The following TBC1D2B variants were observed in gnomAD, a reference collection of about 807,000 sequenced individuals.
TBC1D2B encodes the protein TBC1 domain family member 2B.
A neutral mutation model predicts 100.8 loss-of-function variants in TBC1D2B; 64 were observed. That is an observed-to-expected ratio of 0.64 (90% CI 0.52 to 0.78). TBC1D2B has a LOEUF of 0.78. TBC1D2B is among the 30% of genes least tolerant of loss of function. TBC1D2B has a pLI of 0.00. For synonymous variants in TBC1D2B, 480 were observed against 479.7 expected (o/e 1.00, Z -0.01); for missense variants, 1,052 against 1,218.4 (o/e 0.86, Z 2.03).
chr15:78,059,152 T>C (rs1166321780), intron 1 of TBC1D2B, among the ~76,000 whole-genome samples: 1 of 152,240 alleles, frequency 6.6e-6, no homozygotes, highest in African/African-American at 2.4e-5. Context: ...ATTCTCTGAA[T>C]AGGGAGCTCA....
At position 77,995,511 on chromosome 15, in the gene TBC1D2B, A is replaced by C. The variant is rs1283021951; in HGVS notation, c.*2649T>G. 2.0e-5 allele frequency: 3 copies of C among 152,230 alleles called. No individual in the cohort carries two copies. The highest frequency in any genetic ancestry group is 2.9e-5 in the Non-Finnish European group (2 of 68,012). The allele number at this position is 152,230 out of a possible 1,614,324, so 9.4% of individuals were successfully genotyped here. A position where few individuals can be genotyped will look rare whatever the true frequency, so the allele number is the denominator to read the frequency against. On this transcript the variant is annotated 3_prime_UTR_variant, in exon 13 of 13. Transcript: ENST00000300584. ...AAGCAACTCGGAGGCTGAGGCTGGCACAGATACACACAAGGGAGTCACACA... is the reference window on the plus strand; with the variant it reads ...AAGCAACTCGGAGGCTGAGGCTGGCCCAGATACACACAAGGGAGTCACACA...
At position 78,037,988 on chromosome 15, in the gene TBC1D2B, G is replaced by A. The variant is rs186397841; in HGVS notation, c.683+6912C>T. Among the ~76,000 whole-genome samples the A allele has an allele frequency of 2.6e-5, 4 of 152,288 alleles. No homozygotes were observed. In the East Asian group the frequency reaches 7.7e-4, roughly 29 times the overall value. ...AAGAAAAGTGCTGAGAGGAACTGTCGTCCTGCTAGGGAAGGGAGTGTGGCA... is the reference window on the plus strand; with the variant it reads ...AAGAAAAGTGCTGAGAGGAACTGTCATCCTGCTAGGGAAGGGAGTGTGGCA... On this transcript the variant is annotated intron_variant, in intron 3 of 12. Coordinates refer to ENST00000300584, the MANE Select transcript of TBC1D2B (RefSeq NM_144572.2).
In TBC1D2B at chr15:77,998,068, A is replaced by C. The variant is rs756315118; in HGVS notation, c.*92T>G. ...CATCTGCCCAGCAGATCCCCAGAGG[A>C]CACACACGTTACATTCTGGCTTTTA... On this transcript the variant is annotated 3_prime_UTR_variant, in exon 13 of 13. Transcript: ENST00000300584. The C allele has an allele frequency of 9.6e-5, 120 of 1,254,672 alleles. No individual in the cohort carries two copies. Among genetic ancestry groups the C allele is most frequent in the African/African-American group, 1.8e-4 (12 of 65,550 alleles). 77.7% of individuals were successfully genotyped at this position (1,254,672 alleles called of 1,614,324 possible). A position where few individuals can be genotyped will look rare whatever the true frequency, so the allele number is the denominator to read the frequency against.
intron 1 of TBC1D2B, among the ~76,000 whole-genome samples, chr15:78,059,565 G>A (rs533489549): frequency 2.6e-5 from 4 of 152,184 alleles, no homozygotes; most frequent in South Asian, 2.1e-4. Flanking sequence ...GCACCAGCTC[G>A]GAGAATAAAA....
chr15:77,998,706 G>A (rs1441154293), intron 12 of TBC1D2B: 1 of 206,046 alleles, frequency 4.9e-6, no homozygotes, highest in Non-Finnish European at 9.8e-6. Context: ...CATAAGCCCT[G>A]AGAAGAGCTC....
At position 77,998,237 on chromosome 15, in the gene TBC1D2B, G is replaced by T. The variant is rs769899951; in HGVS notation, c.2815C>A (p.Arg939Ser). Reference protein sequence around the residue: ...RLELTELEAIREDFLRERDTS... With the variant: ...RLELTELEAISEDFLRERDTS... ...TCCCGCTCACGCAGGAAGTCCTCAC[G>T]GATGGCCTCCAGCTCGGTCAGCTCC... Residue 939 changes from arginine (R) to serine (S), a missense_variant, in exon 13 of 13, where the codon CGT becomes AGT. Physicochemically the swap from Arg to Ser is moderately radical, Grantham distance 110. Around this residue, in one of 4 missense-constraint regions of TBC1D2B, gnomAD observed 47 missense variants for 88.3 expected, o/e 0.53. Coordinates refer to ENST00000300584, the MANE Select transcript of TBC1D2B (RefSeq NM_144572.2). The T allele has an allele frequency of 6.3e-7, 1 of 1,589,574 alleles. No individual in the cohort carries two copies. Among genetic ancestry groups the T allele is most frequent in the Non-Finnish European group, 8.6e-7 (1 of 1,169,024 alleles).
intron 3 of TBC1D2B, among the ~76,000 whole-genome samples, chr15:78,044,014 G>A: frequency 7.7e-6 from 1 of 129,362 alleles, no homozygotes; most frequent in South Asian, 2.6e-4. Context: ...AACAGAACAA[G>A]ACCTTATCTT....
chr15:78,034,027 A>G (rs16969423), intron 3 of TBC1D2B, among the ~76,000 whole-genome samples: 7,781 of 152,290 alleles, frequency 0.051, 396 homozygotes, highest in African/African-American at 0.12. Context: ...TCACTTTCTC[A>G]TAGTTTATTT....
intron 1 of TBC1D2B, among the ~76,000 whole-genome samples, chr15:78,071,509 C>T (rs1441588177): frequency 6.6e-6 from 1 of 152,100 alleles, no homozygotes; most frequent in Non-Finnish European, 1.5e-5. Flanking sequence ...GAGTCCTGAC[C>T]ATGGGCATGA....
rs77345637 is a variant in TBC1D2B at position 78,032,255 on chromosome 15, G to A, written c.684-2085C>T. ...AGTGGAAAACCTCATAATTCACAGG[G>A]CATCAGAAAGATTACTGAGAAAGGC... On this transcript the variant is annotated intron_variant, in intron 3 of 12. Coordinates refer to ENST00000300584, the MANE Select transcript of TBC1D2B (RefSeq NM_144572.2). Among the ~76,000 whole-genome samples the A allele has an allele frequency of 9.8e-3, 1,498 of 152,264 alleles. 12 individuals carry two copies. The highest frequency in any genetic ancestry group is 0.015 in the Non-Finnish European group (1,009 of 68,016).
chr15:78,058,438 A>C (rs1441783093), intron 1 of TBC1D2B, among the ~76,000 whole-genome samples: 2 of 152,208 alleles, frequency 1.3e-5, no homozygotes, highest in Admixed American at 6.5e-5. Flanking sequence ...TTAATGTCCA[A>C]GGAGAGGCCA....
chr15:78,054,070 C>A lies in TBC1D2B; in HGVS notation c.478G>T (p.Asp160Tyr), dbSNP rs765533230. 17 of 1,613,486 alleles carry A rather than the reference C, an allele frequency of 1.1e-5. No individual in the cohort carries two copies. Among genetic ancestry groups the A allele is most frequent in the Non-Finnish European group, 1.4e-5 (16 of 1,179,662 alleles). The change falls in exon 2 of 13, where the codon GAT becomes TAT. Residue 160 changes from aspartate to tyrosine, a missense_variant. By Grantham distance (160) the Asp-to-Tyr change is radical (BLOSUM62 -3). This residue lies in a region of TBC1D2B where 627 missense variants were observed against 646.1 expected (regional missense o/e 0.97). Coordinates refer to ENST00000300584, the MANE Select transcript of TBC1D2B (RefSeq NM_144572.2). ...WDSRTSPTPG[D>Y]FPKGLVARDN... is the part of the protein sequence containing the mutation. ...CTGGCTACAAGACCCTTAGGAAAATCCCCGGGAGTTGGAGAGGTCCTGCTG... is the reference window on the plus strand; with the variant it reads ...CTGGCTACAAGACCCTTAGGAAAATACCCGGGAGTTGGAGAGGTCCTGCTG...
chr15:78,006,656 T>C (rs1270947166), intron 10 of TBC1D2B, among the ~76,000 whole-genome samples: 1 of 152,216 alleles, frequency 6.6e-6, no homozygotes, highest in African/African-American at 2.4e-5. Flanking sequence ...CCCTCATCGG[T>C]GGCACCTCAG....
At chr15:78,068,383 C>CCACACACACACACACACA (rs35403620) in intron 1 of TBC1D2B, among the ~76,000 whole-genome samples, 34 of 143,110 alleles carry the variant, frequency 2.4e-4, no homozygotes, top group African/African-American at 5.0e-4. Context: ...CACACCACAC[C>CCACACACACACACACACA]CACACACACA....
At position 78,026,858 on chromosome 15, in the gene TBC1D2B, G is replaced by A. The variant is rs150122832; in HGVS notation, c.848-1361C>T. Among the ~76,000 whole-genome samples the A allele has an allele frequency of 9.8e-3, 1,467 of 149,568 alleles. 10 individuals carry two copies. Among genetic ancestry groups the A allele is most frequent in the Middle Eastern group, 0.066 (19 of 290 alleles). The stretch of plus-strand genomic sequence containing the variant: ...AAAGTTTGCAGTGAGCCAAGATCAC[G>A]TCATTGCACTCCAGCCTAGGCAACA... On this transcript the variant is annotated intron_variant, in intron 4 of 12. Transcript: ENST00000300584.
intron 1 of TBC1D2B, among the ~76,000 whole-genome samples, chr15:78,054,818 T>C (rs1270830342): frequency 6.6e-6 from 1 of 152,192 alleles, no homozygotes; most frequent in Non-Finnish European, 1.5e-5. Flanking sequence ...CCAAGTAACC[T>C]GGCAAGCCCA....
chr15:78,034,541 A>G (rs1194504224), intron 3 of TBC1D2B: 2 of 985,296 alleles, frequency 2.0e-6, no homozygotes, highest in African/African-American at 3.5e-5. Flanking sequence ...CAGGAAAGAG[A>G]AATAAGAGCA....
chr15:78,054,880 T>C (rs949327250), intron 1 of TBC1D2B, among the ~76,000 whole-genome samples: 1 of 152,172 alleles, frequency 6.6e-6, no homozygotes, highest in African/African-American at 2.4e-5. Context: ...CAAAGACCTG[T>C]ATGTGAATGT....
chr15:78,058,559 C>T (rs1446359524), intron 1 of TBC1D2B, among the ~76,000 whole-genome samples: 1 of 152,248 alleles, frequency 6.6e-6, no homozygotes, highest in Non-Finnish European at 1.5e-5. Context: ...GCTGCACAGA[C>T]AACGCCTTGC....
Sources: allele counts gnomAD v4.1 joint callset (sites outside exome capture counted in the v4.1 genomes callset), GRCh38; gene constraint gnomAD v4.1.1; regional missense constraint gnomAD v4.1.1; transcripts MANE v1.5; gene names NCBI Gene and HGNC (gene_info 2026-07-23, HGNC 2026-07-21).